PKP4: variants seen among roughly 807,000 people sequenced by gnomAD.
The protein encoded by PKP4 is plakophilin 4.
PKP4 carries 90 observed loss-of-function variants against 145.1 expected under a neutral mutation model. The ratio of observed to expected loss-of-function variants is 0.62; its 90% confidence interval spans 0.52 to 0.74. The LOEUF is 0.74. PKP4 is among the 30% of genes least tolerant of loss of function. The probability of loss-of-function intolerance (pLI) is 0.00; values close to 1 mark genes in which losing one functional copy is unlikely to be tolerated. For missense variants in PKP4, 1,340 were observed against 1,482.7 expected (o/e 0.90, Z 1.58); for synonymous variants, 563 against 577.2 (o/e 0.98, Z 0.35).
intron 9 of PKP4, among the ~76,000 whole-genome samples, chr2:158,634,855 G>A (rs906784049): frequency 1.3e-5 from 2 of 150,524 alleles, no homozygotes; most frequent in African/African-American, 2.4e-5. Context: ...AATCATAGAC[G>A]TTTCCTCCTT....
intron 7 of PKP4, among the ~76,000 whole-genome samples, chr2:158,629,284 C>T (rs940681946): frequency 2.0e-5 from 3 of 152,118 alleles, no homozygotes; most frequent in African/African-American, 7.2e-5. Context: ...TCACCATGTG[C>T]CGTTGCTCCA....
At chr2:158,501,143 G>C (rs1342139853) in intron 1 of PKP4, among the ~76,000 whole-genome samples, 2 of 152,098 alleles carry the variant, frequency 1.3e-5, no homozygotes, top group African/African-American at 4.8e-5. Flanking sequence ...CTTCAGGCAG[G>C]CATCCCTATT....
At chr2:158,679,896 T>C (rs1004417698) in intron 21 of PKP4, among the ~76,000 whole-genome samples, 3 of 152,264 alleles carry the variant, frequency 2.0e-5, no homozygotes, top group East Asian at 1.9e-4. Flanking sequence ...GTTGTTCACC[T>C]AGCCACATAC....
intron 2 of PKP4, among the ~76,000 whole-genome samples, chr2:158,547,693 A>G (rs2045200535): frequency 6.6e-6 from 1 of 152,234 alleles, no homozygotes; most frequent in Non-Finnish European, 1.5e-5. Flanking sequence ...TGACTTTTTA[A>G]AACACATTAA....
At chr2:158,548,651 A>T (rs1448892351) in intron 2 of PKP4, 2 of 158,844 alleles carry the variant, frequency 1.3e-5, no homozygotes, top group East Asian at 1.8e-4. Context: ...TCCAGAGCTG[A>T]AAGTGCCTCT....
chr2:158,502,332 T>G (rs149626247), intron 1 of PKP4, among the ~76,000 whole-genome samples: 1 of 152,306 alleles, frequency 6.6e-6, no homozygotes, highest in African/African-American at 2.4e-5. Flanking sequence ...TTCTGGTCTT[T>G]CTGAGATTGA....
At chr2:158,511,016 C>G (rs1177991751) in intron 1 of PKP4, among the ~76,000 whole-genome samples, 2 of 152,192 alleles carry the variant, frequency 1.3e-5, no homozygotes, top group Non-Finnish European at 2.9e-5. Flanking sequence ...AGGGGAAGGC[C>G]TCTGTGAGCC....
intron 1 of PKP4, among the ~76,000 whole-genome samples, chr2:158,528,900 C>G (rs988348832): frequency 6.6e-6 from 1 of 152,300 alleles, no homozygotes; most frequent in Non-Finnish European, 1.5e-5. Flanking sequence ...GATACAGAGA[C>G]AGTGTTATAC....
chr2:158,496,759 C>CGTGTGTGTGTGTGTGTGTGT (rs58108158), intron 1 of PKP4, among the ~76,000 whole-genome samples: 1 of 144,856 alleles, frequency 6.9e-6, no homozygotes, highest in African/African-American at 2.5e-5. Flanking sequence ...CTTCTCTCTC[C>CGTGTGTGTGTGTGTGTGTGT]GTGTGTGTGT....
chr2:158,584,776 A>G (rs1031713491), intron 3 of PKP4, among the ~76,000 whole-genome samples: 1 of 152,264 alleles, frequency 6.6e-6, no homozygotes, highest in African/African-American at 2.4e-5. Flanking sequence ...ATTTTATAGT[A>G]AAGAATTTCA....
chr2:158,642,790 G>C, intron 11 of PKP4, 91 bp downstream of exon 11: 1 of 892,362 alleles, frequency 1.1e-6, no homozygotes, highest in Non-Finnish European at 1.7e-6. Flanking sequence ...AGAGTTGGAG[G>C]TTCCAGGTAA....
intron 4 of PKP4, among the ~76,000 whole-genome samples, chr2:158,612,017 T>TTA (rs1553459941): frequency 7.0e-6 from 1 of 142,300 alleles, no homozygotes; most frequent in African/African-American, 2.6e-5. Context: ...TATGCTTCTT[T>TTA]AAAAAAAAAA....
At chr2:158,676,427 C>CAGACT (rs554280352) in intron 19 of PKP4, among the ~76,000 whole-genome samples, 59 of 152,224 alleles carry the variant, frequency 3.9e-4, no homozygotes, top group South Asian at 1.5e-3. Context: ...GACATTGAGA[C>CAGACT]AGACTAGTGG....
chr2:158,662,861 G>C, intron 13 of PKP4, 36 bp from the exon 14 acceptor site: 1 of 1,552,872 alleles, frequency 6.4e-7, no homozygotes, highest in Non-Finnish European at 8.7e-7. Context: ...CTAATGTGCC[G>C]AGTTGTTTTT....
intron 7 of PKP4, among the ~76,000 whole-genome samples, chr2:158,629,742 T>A (rs7591662): frequency 0.71 from 107,960 of 151,568 alleles, 39,916 homozygotes; most frequent in East Asian, 0.92. Flanking sequence ...ACAGACTCTG[T>A]CTCTGTTGCC....
chr2:158,680,745 T>C lies in PKP4; in HGVS notation c.*68T>C. The C allele has an allele frequency of 7.4e-7, 1 of 1,345,448 alleles. No individual in the cohort carries two copies. The highest frequency in any genetic ancestry group is 1.0e-6 in the Non-Finnish European group (1 of 983,294). 83.3% of individuals were successfully genotyped at this position (1,345,448 alleles called of 1,614,324 possible). A position where few individuals can be genotyped will look rare whatever the true frequency, so the allele number is the denominator to read the frequency against. ...TTCAGATTGAGGTGAAAAGTCCATC[T>C]TGCTGATTTGATGATTGAAATGTGA... On this transcript the variant is annotated 3_prime_UTR_variant, in exon 22 of 22. Coordinates refer to ENST00000389759, the MANE Select transcript of PKP4 (RefSeq NM_003628.6).
At chr2:158,657,384 C>A (rs541201296) in intron 11 of PKP4, among the ~76,000 whole-genome samples, 11 of 152,300 alleles carry the variant, frequency 7.2e-5, no homozygotes, top group Non-Finnish European at 1.5e-4. Flanking sequence ...CATTTAAGAT[C>A]TGTTATCCTG....
At chr2:158,481,263 T>G (rs1432146678) in intron 1 of PKP4, among the ~76,000 whole-genome samples, 2 of 152,168 alleles carry the variant, frequency 1.3e-5, no homozygotes, top group Non-Finnish European at 2.9e-5. Flanking sequence ...CATCACATGG[T>G]TATACCACAT....
intron 3 of PKP4, among the ~76,000 whole-genome samples, chr2:158,584,049 G>A (rs914056401): frequency 5.3e-5 from 8 of 152,138 alleles, no homozygotes; most frequent in Non-Finnish European, 1.2e-4. Flanking sequence ...GCCGCATTCC[G>A]TTTCCCAGGA....
Sources: gnomAD v4.1 joint callset for allele counts (sites outside exome capture counted in the v4.1 genomes callset) on GRCh38, gnomAD v4.1.1 for gene constraint, MANE v1.5 for transcripts, NCBI Gene and HGNC (gene_info 2026-07-23, HGNC 2026-07-21) for gene names.